Variants in FILIP1L observed in about 807,000 individuals in gnomAD.
The protein encoded by FILIP1L is filamin A interacting protein 1 like.
A neutral mutation model predicts 96.6 loss-of-function variants in FILIP1L; 55 were observed. The observed-to-expected ratio is 0.57, with a 90% CI of 0.46 to 0.71. The LOEUF is 0.71. FILIP1L is among the 30% of genes least tolerant of loss of function. FILIP1L has a pLI of 0.00. For synonymous variants in FILIP1L, 467 were observed against 473.9 expected, an observed-to-expected ratio of 0.99 and a Z score of 0.19; for missense variants, 1,304 against 1,321.2, an observed-to-expected ratio of 0.99 and a Z score of 0.20.
chr3:100,098,911 C>T (rs2066258362), intron 1 of FILIP1L, among the ~76,000 whole-genome samples: 1 of 152,210 alleles, frequency 6.6e-6, no homozygotes, highest in African/African-American at 2.4e-5. Flanking sequence ...GAACTAGATA[C>T]TTCTCAATTT....
At chr3:99,900,867 G>C (rs115314839) in intron 4 of FILIP1L, among the ~76,000 whole-genome samples, 5 of 152,212 alleles carry the variant, frequency 3.3e-5, no homozygotes, top group African/African-American at 1.2e-4. Context: ...ATGTAGCAAA[G>C]TGTTAGAAGC....
At chr3:99,989,661 C>T (rs1709453042) in intron 1 of FILIP1L, among the ~76,000 whole-genome samples, 1 of 93,774 alleles carries the variant, frequency 1.1e-5, no homozygotes, top group African/African-American at 4.3e-5. Context: ...TTAGTATCTT[C>T]CTCTATATAT....
At position 99,849,614 on chromosome 3, in the gene FILIP1L, T is replaced by G; in HGVS notation, c.2062A>C (p.Lys688Gln). The part of the protein sequence containing the change: ...EHVKMELAKY[K>Q]LAEKTETSHE... ...CTGGTCTCTGTCTTTTCTGCTAACT[T>G]GTACTTAGCAAGTTCCATTTTAACA... The change falls in exon 5 of 6, where the codon AAG (lysine) becomes CAG (glutamine). Residue 688 changes from lysine (K) to glutamine (Q), a missense_variant. By Grantham distance (53) the Lys-to-Gln change is moderately conservative (BLOSUM62 1). Transcript: ENST00000477258. 6.2e-7 allele frequency: 1 copy of G among 1,613,464 alleles called. No individual in the cohort carries two copies. The highest frequency in any genetic ancestry group is 8.5e-7 in the Non-Finnish European group (1 of 1,179,992).
intron 4 of FILIP1L, among the ~76,000 whole-genome samples, chr3:99,871,798 A>G (rs1944801087): frequency 6.6e-6 from 1 of 152,128 alleles, no homozygotes; most frequent in African/African-American, 2.4e-5. Flanking sequence ...GGCACCTCTC[A>G]CCTTCCAAGT....
chr3:100,058,424 G>A (rs998027386), intron 1 of FILIP1L, among the ~76,000 whole-genome samples: 1 of 152,198 alleles, frequency 6.6e-6, no homozygotes, highest in African/African-American at 2.4e-5. Context: ...GCAGAGAAAA[G>A]TTGACACATA....
chr3:99,991,824 GTA>G (rs1023477317), intron 1 of FILIP1L, among the ~76,000 whole-genome samples: 31 of 78,992 alleles, frequency 3.9e-4, no homozygotes, highest in African/African-American at 1.3e-3. Context: ...CATGGTGTGT[GTA>G]TATATATATA....
In FILIP1L at chr3:99,888,672, A is replaced by G. The variant is rs1035050347; in HGVS notation, c.605+35558T>C. 2.6e-5 allele frequency among the ~76,000 whole-genome samples: 4 copies of G among 152,320 alleles called. No individual in the cohort carries two copies. The South Asian group carries it at 6.2e-4, about 24-fold the overall frequency. On this transcript the variant is annotated intron_variant, in intron 4 of 5. Coordinates refer to ENST00000477258, the MANE Select transcript of FILIP1L (RefSeq NM_001387850.1). ...TTTATATACTGGCTGTGGAAGGTAA[A>G]GTAGAGAAAAGAATCTTCTTAGACT...
At chr3:99,915,916 A>G (rs534435072) in intron 4 of FILIP1L, among the ~76,000 whole-genome samples, 2 of 152,352 alleles carry the variant, frequency 1.3e-5, no homozygotes, top group African/African-American at 4.8e-5. Context: ...GTCTACATAA[A>G]TGCTTTCTTG....
chr3:99,927,579 G>A (rs1017317035), intron 3 of FILIP1L, among the ~76,000 whole-genome samples: 1 of 151,996 alleles, frequency 6.6e-6, no homozygotes, highest in South Asian at 2.1e-4. Flanking sequence ...ATGTTGGTCA[G>A]GCTGGTCTCG....
intron 4 of FILIP1L, among the ~76,000 whole-genome samples, chr3:99,895,821 CCTT>C (rs1285402849): frequency 1.3e-5 from 2 of 152,154 alleles, no homozygotes; most frequent in African/African-American, 4.8e-5. Context: ...ATAGGTGCCT[CCTT>C]AAAAGACTGG....
intron 1 of FILIP1L, among the ~76,000 whole-genome samples, chr3:100,058,746 TAGA>T (rs1310015196): frequency 6.6e-6 from 1 of 152,228 alleles, no homozygotes; most frequent in African/African-American, 2.4e-5. Flanking sequence ...GGCTTTTCAG[TAGA>T]AGGAGGACGC....
At chr3:99,896,612 A>T (rs1372498259) in intron 4 of FILIP1L, among the ~76,000 whole-genome samples, 3 of 152,172 alleles carry the variant, frequency 2.0e-5, no homozygotes, top group Admixed American at 6.5e-5. Context: ...AACTATTTTG[A>T]TGGGCTAAGA....
chr3:99,852,256 T>C (rs1315926217), intron 4 of FILIP1L, among the ~76,000 whole-genome samples: 2 of 152,166 alleles, frequency 1.3e-5, no homozygotes, highest in African/African-American at 2.4e-5. Flanking sequence ...CCCTAAGGAA[T>C]TGAACCAAAG....
At chr3:100,015,473 G>T (rs1710314748) in intron 1 of FILIP1L, among the ~76,000 whole-genome samples, 1 of 152,146 alleles carries the variant, frequency 6.6e-6, no homozygotes, top group Non-Finnish European at 1.5e-5. Context: ...TGCTGTGGGT[G>T]CTATGGAAAT....
chr3:99,896,706 T>C (rs1706266346), intron 4 of FILIP1L, among the ~76,000 whole-genome samples: 1 of 152,234 alleles, frequency 6.6e-6, no homozygotes, highest in South Asian at 2.1e-4. Context: ...TTGATTCATT[T>C]GTTGCCATAG....
Position 99,830,574 on chromosome 3 carries a change from G to A in FILIP1L, c.3413C>T (p.Ala1138Val), listed in dbSNP as rs1266867781. The change falls in exon 6 of 6, where the codon GCA becomes GTA. Residue 1138 changes from alanine (A) to valine (V), a missense_variant. By Grantham distance (64) the Ala-to-Val change is moderately conservative. Transcript: ENST00000477258. ...TGTAGATTTCGGTTTAGGGATCCGTGCTGGGATTCTCTGCTTGCATACCTC... is the reference window on the plus strand; with the variant it reads ...TGTAGATTTCGGTTTAGGGATCCGTACTGGGATTCTCTGCTTGCATACCTC... ...IKEVCKQRIP[A>V]RIPKPKSTGI... is the part of the protein sequence containing the mutation. 2.2e-6 allele frequency: 1 copy of A among 456,626 alleles called. No homozygotes were observed. The highest frequency in any genetic ancestry group is 1.5e-5 in the South Asian group (1 of 64,560). 28.3% of individuals were successfully genotyped at this position (456,626 alleles called of 1,614,324 possible). A position where few individuals can be genotyped will look rare whatever the true frequency, so the allele number is the denominator to read the frequency against.
chr3:99,972,296 C>T (rs537233652), intron 1 of FILIP1L, among the ~76,000 whole-genome samples: 5 of 152,046 alleles, frequency 3.3e-5, no homozygotes, highest in South Asian at 2.1e-4. Context: ...GTTCATTTGC[C>T]GAATTGACTT....
At chr3:100,071,770 C>T (rs886599547) in intron 1 of FILIP1L, among the ~76,000 whole-genome samples, 3 of 152,320 alleles carry the variant, frequency 2.0e-5, no homozygotes, top group African/African-American at 4.8e-5. Context: ...CCTGACTTTT[C>T]ACCTCTTATT....
At chr3:99,847,365 TG>T (rs1226965905) in intron 5 of FILIP1L, among the ~76,000 whole-genome samples, 21 of 151,948 alleles carry the variant, frequency 1.4e-4, no homozygotes, top group African/African-American at 4.8e-4. Context: ...TTTTTTGCTT[TG>T]AAGTAGAGTG....
Sources: allele counts gnomAD v4.1 joint callset (sites outside exome capture counted in the v4.1 genomes callset), GRCh38; gene constraint gnomAD v4.1.1; transcripts MANE v1.5; gene names NCBI Gene and HGNC (gene_info 2026-07-23, HGNC 2026-07-21).